Variants in NCAM2 observed in about 807,000 individuals in gnomAD.
The protein encoded by NCAM2 is neural cell adhesion molecule 2, also known as N-CAM-2.
NCAM2 carries 30 observed loss-of-function variants against 98.1 expected under a neutral mutation model. The observed-to-expected ratio is 0.31, with a 90% confidence interval of 0.23 to 0.41. The LOEUF is 0.41. Ranked by LOEUF, NCAM2 falls within the 10% of genes least tolerant of loss-of-function variation. The pLI, the probability that NCAM2 is intolerant of heterozygous loss-of-function variation, is 1.00. For missense variants in NCAM2, 867 were observed against 1,005.8 expected (o/e 0.86, Z 1.87); for synonymous variants, 368 against 342.4 (o/e 1.07, Z -0.83).
chr21:21,092,200 T>G (rs1166243456), intron 1 of NCAM2, among the ~76,000 whole-genome samples: 2 of 152,068 alleles, frequency 1.3e-5, no homozygotes, highest in Non-Finnish European at 2.9e-5. Flanking sequence ...AAGAGTTACT[T>G]AAAATATACT....
chr21:21,445,553 C>T (rs1011256385), intron 12 of NCAM2, among the ~76,000 whole-genome samples: 1 of 152,112 alleles, frequency 6.6e-6, no homozygotes, highest in Non-Finnish European at 1.5e-5. Flanking sequence ...ATAGTTAGCT[C>T]TTCTCGTTGA....
chr21:21,531,081 CTTTGT>C (rs1989667548), intron 16 of NCAM2, among the ~76,000 whole-genome samples: 1 of 152,114 alleles, frequency 6.6e-6, no homozygotes, highest in Admixed American at 6.5e-5. Context: ...TTTTTGGTTA[CTTTGT>C]TTTAATTGTC....
chr21:21,326,407 A>T (rs950305284), intron 6 of NCAM2, among the ~76,000 whole-genome samples: 3 of 152,148 alleles, frequency 2.0e-5, no homozygotes, highest in African/African-American at 7.2e-5. Flanking sequence ...GTGAGACTAG[A>T]TGCTTTTAGT....
rs181797446 is a variant in NCAM2, at chr21:21,475,393, T to A, written c.1897-1898T>A. Among the ~76,000 whole-genome samples, 427 of 152,238 alleles carry A rather than the reference T, an allele frequency of 2.8e-3. 1 individual carries two copies. Among genetic ancestry groups the A allele is most frequent in the African/African-American group, 9.8e-3 (406 of 41,540 alleles). On this transcript the variant is annotated intron_variant, in intron 14 of 17. Transcript: ENST00000400546. ...TTTGCAAACTACAACATGAGGGTATTGCACATGTCTTGGTCACTATTGTGT... is the reference window on the plus strand; with the variant it reads ...TTTGCAAACTACAACATGAGGGTATAGCACATGTCTTGGTCACTATTGTGT...
chr21:21,271,394 C>T (rs916650926), intron 1 of NCAM2, among the ~76,000 whole-genome samples: 2 of 152,070 alleles, frequency 1.3e-5, no homozygotes, highest in Non-Finnish European at 2.9e-5. Context: ...GTTAAGTGCT[C>T]CTAGCAAATA....
chr21:21,310,325 G>C (rs1363187754), intron 5 of NCAM2, among the ~76,000 whole-genome samples: 6 of 152,028 alleles, frequency 3.9e-5, no homozygotes, highest in African/African-American at 1.4e-4. Context: ...CCACATTTTA[G>C]GTGTCTCAGG....
At chr21:21,031,729 C>T (rs965992504) in intron 1 of NCAM2, among the ~76,000 whole-genome samples, 8 of 152,078 alleles carry the variant, frequency 5.3e-5, no homozygotes, top group Non-Finnish European at 1.2e-4. Flanking sequence ...ATGAACTGAA[C>T]ATTTTTTACC....
Position 21,373,971 on chromosome 21 carries a change from A to C in NCAM2, c.1153A>C (p.Arg385=). The part of the protein sequence containing the change: ...SGRYDCEAAS[R]IGGHQKSMYL... ...GAGATATGACTGTGAAGCTGCAAGC[A>C]GAATTGGAGGGCATCAAAAGAGCAT... The change falls in exon 9 of 18, where the codon AGA becomes CGA. Residue 385 remains arginine, a synonymous_variant. Coordinates refer to ENST00000400546, the MANE Select transcript of NCAM2 (RefSeq NM_004540.5). The C allele has an allele frequency of 6.2e-7, 1 of 1,611,222 alleles. No individual in the cohort carries two copies. The highest frequency in any genetic ancestry group is 1.1e-5 in the South Asian group (1 of 91,000).
chr21:21,176,244 C>G lies in NCAM2; in HGVS notation c.56-104334C>G, dbSNP rs557462517. Among the ~76,000 whole-genome samples the G allele has an allele frequency of 3.3e-5, 5 of 152,246 alleles. No homozygotes were observed. In the East Asian group the frequency reaches 9.7e-4, roughly 29 times the overall value. ...CTTGACTGGAACTCTTAGATCAAAT[C>G]AATCATACATTATAAGCCTGTATTG... On this transcript the variant is annotated intron_variant, in intron 1 of 17. Transcript: ENST00000400546.
intron 15 of NCAM2, among the ~76,000 whole-genome samples, chr21:21,499,735 G>T (rs1211845925): frequency 6.6e-6 from 1 of 151,972 alleles, no homozygotes; most frequent in Non-Finnish European, 1.5e-5. Context: ...TAATGACTTG[G>T]AATTCCCAAA....
At chr21:21,031,053 G>T (rs35746740) in intron 1 of NCAM2, among the ~76,000 whole-genome samples, 42,085 of 151,872 alleles carry the variant, frequency 0.28, 6,148 homozygotes, top group African/African-American at 0.38. Context: ...AGAAATACTT[G>T]AACTGCATAG....
intron 1 of NCAM2, among the ~76,000 whole-genome samples, chr21:21,061,165 G>A (rs979617150): frequency 6.6e-6 from 1 of 152,130 alleles, no homozygotes; most frequent in Non-Finnish European, 1.5e-5. Flanking sequence ...CAGCTAAATA[G>A]CATCAATCCA....
intron 1 of NCAM2, among the ~76,000 whole-genome samples, chr21:21,044,809 A>T (rs201489138): frequency 6.8e-6 from 1 of 147,766 alleles, no homozygotes; most frequent in Admixed American, 6.8e-5. Flanking sequence ...CTACAAAAAT[A>T]AAAAAATTTG....
At chr21:21,446,154 T>C (rs141638317) in intron 12 of NCAM2, among the ~76,000 whole-genome samples, 49 of 152,280 alleles carry the variant, frequency 3.2e-4, no homozygotes, top group Non-Finnish European at 6.0e-4. Flanking sequence ...ATGATGAATA[T>C]TGGCCCCCAA....
intron 9 of NCAM2, among the ~76,000 whole-genome samples, chr21:21,402,880 C>T (rs149863273): frequency 1.3e-5 from 2 of 152,126 alleles, no homozygotes; most frequent in African/African-American, 4.8e-5. Flanking sequence ...AACCTCCATA[C>T]AGTTTTTCAT....
At chr21:21,088,831 G>T (rs1045512844) in intron 1 of NCAM2, among the ~76,000 whole-genome samples, 2 of 152,074 alleles carry the variant, frequency 1.3e-5, no homozygotes, top group African/African-American at 4.8e-5. Context: ...AATTAGCCGG[G>T]CGTGGTGGCG....
At chr21:21,297,596 A>G (rs2073533731) in intron 5 of NCAM2, among the ~76,000 whole-genome samples, 1 of 151,828 alleles carries the variant, frequency 6.6e-6, no homozygotes, top group Non-Finnish European at 1.5e-5. Context: ...CTATACATAT[A>G]CACAAACATG....
At chr21:21,208,846 T>C (rs908630729) in intron 1 of NCAM2, among the ~76,000 whole-genome samples, 12 of 152,194 alleles carry the variant, frequency 7.9e-5, no homozygotes, top group Non-Finnish European at 1.5e-5. Flanking sequence ...AGATTCAACC[T>C]AAAATTATCT....
intron 1 of NCAM2, among the ~76,000 whole-genome samples, chr21:21,081,484 CA>C (rs1569001735): frequency 6.6e-6 from 1 of 151,922 alleles, no homozygotes; most frequent in Non-Finnish European, 1.5e-5. Context: ...CCTACTGTAA[CA>C]AAAAAGACAA....
Sources: allele counts gnomAD v4.1 joint callset (sites outside exome capture counted in the v4.1 genomes callset), GRCh38; gene constraint gnomAD v4.1.1; transcripts MANE v1.5; gene names NCBI Gene and HGNC (gene_info 2026-07-23, HGNC 2026-07-21).